BLTP1: variants seen among roughly 807,000 people sequenced by gnomAD.
BLTP1 encodes fragile site-associated protein.
chr4:122,335,586 C>T, the BLTP1 span, among the ~76,000 whole-genome samples: 1 of 152,180 alleles, frequency 6.6e-6, no homozygotes, highest in East Asian at 1.9e-4. Flanking sequence ...CATCTGTGTC[C>T]ATTAAGTGCA....
chr4:122,170,211 C>T, the BLTP1 span: 3 of 363,012 alleles, frequency 8.3e-6, no homozygotes, highest in Non-Finnish European at 1.1e-5. Flanking sequence ...TAGGCTGAGG[C>T]AGGAGAATCG....
At chr4:122,203,066 G>C in the BLTP1 span, among the ~76,000 whole-genome samples, 1 of 151,780 alleles carries the variant, frequency 6.6e-6, no homozygotes, top group African/African-American at 2.4e-5. Context: ...CTCTAAAAAG[G>C]ACAACTACTA....
the BLTP1 span, chr4:122,263,216 G>T: frequency 3.0e-6 from 3 of 985,118 alleles, no homozygotes; most frequent in Non-Finnish European, 3.6e-6. Flanking sequence ...TAGGCATTTG[G>T]TGTGGGGTAC....
At chr4:122,293,269 C>G in the BLTP1 span, 1,497 of 646,438 alleles carry the variant, frequency 2.3e-3, 13 homozygotes, top group African/African-American at 0.028. Flanking sequence ...TAGTCCAGGA[C>G]TCTCACACAG....
At chr4:122,301,206 A>C in the BLTP1 span, 2 of 1,371,790 alleles carry the variant, frequency 1.5e-6, no homozygotes, top group South Asian at 3.0e-5. Context: ...GTCAGTAAAA[A>C]GAAAATATTT....
the BLTP1 span, chr4:122,353,965 A>G: frequency 6.2e-7 from 1 of 1,613,574 alleles, no homozygotes; most frequent in South Asian, 1.1e-5. The surrounding 1 kb of genome is among the most constrained non-coding windows in gnomAD (Gnocchi z 4.3). Flanking sequence ...CACCCCATGG[A>G]GTAGCAAGTG....
the BLTP1 span, chr4:122,211,119 C>T: frequency 7.0e-6 from 11 of 1,578,394 alleles, no homozygotes; most frequent in East Asian, 2.2e-5. Context: ...AAACAACTTA[C>T]ATACTTTTAA....
At chr4:122,230,334 T>A in the BLTP1 span, 1 of 785,138 alleles carries the variant, frequency 1.3e-6, no homozygotes, top group Non-Finnish European at 2.0e-6. Flanking sequence ...CTAACATGAT[T>A]GTGCTGCTGC....
At chr4:122,243,571 T>C in the BLTP1 span, 23 of 402,012 alleles carry the variant, frequency 5.7e-5, no homozygotes, top group Non-Finnish European at 7.4e-5. Context: ...CAAAACCCCA[T>C]CTCTACTTTT....
At chr4:122,246,558 C>A in the BLTP1 span, 2 of 1,197,938 alleles carry the variant, frequency 1.7e-6, no homozygotes, top group Non-Finnish European at 2.3e-6. Context: ...TATTCATAAG[C>A]TTTGTCTTCA....
At chr4:122,277,216 C>G in the BLTP1 span, 1 of 387,136 alleles carries the variant, frequency 2.6e-6, no homozygotes, top group Admixed American at 6.4e-5. Context: ...TGGCACGTCT[C>G]TGTAGTCCCA....
At chr4:122,239,818 A>G in the BLTP1 span, 1 of 1,614,192 alleles carries the variant, frequency 6.2e-7, no homozygotes, top group Non-Finnish European at 8.5e-7. Context: ...TTTCATCAGT[A>G]TCGATCAATG....
chr4:122,192,018 A>C, the BLTP1 span, among the ~76,000 whole-genome samples: 1 of 152,118 alleles, frequency 6.6e-6, no homozygotes, highest in Non-Finnish European at 1.5e-5. Context: ...TATTTTTAAA[A>C]TATTTTTTAA....
chr4:122,305,863 A>G, the BLTP1 span: 2 of 1,561,312 alleles, frequency 1.3e-6, no homozygotes. Context: ...ATTGAGCTTT[A>G]AATTTTATTT....
chr4:122,303,186 A>G, the BLTP1 span, among the ~76,000 whole-genome samples: 1 of 152,158 alleles, frequency 6.6e-6, no homozygotes, highest in African/African-American at 2.4e-5. Flanking sequence ...ACCATTCTGA[A>G]AATCCTAGGG....
the BLTP1 span, among the ~76,000 whole-genome samples, chr4:122,355,092 G>A: frequency 6.6e-6 from 1 of 152,118 alleles, no homozygotes; most frequent in Non-Finnish European, 1.5e-5. Context: ...ATAAGAAAGT[G>A]AATCAGAAGA....
At chr4:122,208,758 A>G in the BLTP1 span, 1 of 716,566 alleles carries the variant, frequency 1.4e-6, no homozygotes, top group Non-Finnish European at 1.7e-6. Flanking sequence ...AAAATCTGCC[A>G]TTTCAAATTT....
chr4:122,225,806 C>G, the BLTP1 span: 3 of 152,094 alleles, frequency 2.0e-5, no homozygotes, highest in Admixed American at 2.0e-4. Flanking sequence ...TATTATCTCC[C>G]ATTTCCCATC....
the BLTP1 span, chr4:122,243,047 A>G: frequency 6.2e-7 from 1 of 1,612,732 alleles, no homozygotes; most frequent in Non-Finnish European, 8.5e-7. Flanking sequence ...AGAGGCATGC[A>G]ACTTTCAGGA....
Sources: gnomAD v4.1 joint callset for allele counts (sites outside exome capture counted in the v4.1 genomes callset) on GRCh38, gnomAD v4.1.1 for gene constraint, Gnocchi (gnomAD v3.1) non-coding constraint, MANE v1.5 for transcripts, NCBI Gene and HGNC (gene_info 2026-07-23, HGNC 2026-07-21) for gene names.